Variants in TLN2 observed in about 807,000 individuals in gnomAD.
TLN2 encodes talin-2.
Under a neutral mutation model 294.7 loss-of-function variants are expected in TLN2, and 118 were observed. That is an observed-to-expected ratio of 0.40 (90% CI 0.34 to 0.47). The LOEUF is 0.47. Among genes scored for constraint, TLN2 ranks in the 20% least tolerant of loss-of-function variants. The pLI, the probability that TLN2 is intolerant of heterozygous loss-of-function variation, is 0.84. For missense variants in TLN2, 3,083 were observed against 3,282.2 expected, an observed-to-expected ratio of 0.94 and a Z score of 1.48; for synonymous variants, 1,431 against 1,304.5, an observed-to-expected ratio of 1.10 and a Z score of -2.09.
intron 45 of TLN2, among the ~76,000 whole-genome samples, chr15:62,790,276 A>G (rs1366837572): frequency 6.6e-6 from 1 of 152,230 alleles, no homozygotes. Context: ...AGAGTATACT[A>G]ATAACCCATT....
chr15:62,446,241 G>A lies in TLN2; in HGVS notation c.-238+55556G>A, dbSNP rs532847445. On this transcript the variant is annotated intron_variant, in intron 1 of 58. Coordinates refer to ENST00000636159, the MANE Select transcript of TLN2 (RefSeq NM_015059.3). Reference sequence around the variant, plus strand: ...TCTGGATCTCCTGACCTCGTCATCCGCCCGTCTCCCCAAAGTGCTGGGATC... The same window carrying A: ...TCTGGATCTCCTGACCTCGTCATCCACCCGTCTCCCCAAAGTGCTGGGATC... 4.0e-5 allele frequency among the ~76,000 whole-genome samples: 6 copies of A among 151,562 alleles called. No individual in the cohort carries two copies. The East Asian group carries it at 1.2e-3, about 30-fold the overall frequency.
At chr15:62,673,140 T>A (rs1272935243) in intron 9 of TLN2, among the ~76,000 whole-genome samples, 1 of 149,926 alleles carries the variant, frequency 6.7e-6, no homozygotes, top group Non-Finnish European at 1.5e-5. Flanking sequence ...TAATTTTAAA[T>A]ACTAATATTT....
chr15:62,839,628 A>G (rs1410067791), intron 58 of TLN2, among the ~76,000 whole-genome samples: 2 of 152,188 alleles, frequency 1.3e-5, no homozygotes. Context: ...ATGTGTCTCC[A>G]TCTCGTAAAT....
intron 1 of TLN2, among the ~76,000 whole-genome samples, chr15:62,508,947 G>C (rs549401932): frequency 1.3e-5 from 2 of 152,268 alleles, no homozygotes; most frequent in Admixed American, 1.3e-4. Flanking sequence ...ACATTTATGT[G>C]GATGAATTTA....
intron 1 of TLN2, among the ~76,000 whole-genome samples, chr15:62,584,477 G>T (rs992912501): frequency 6.6e-6 from 1 of 152,202 alleles, no homozygotes; most frequent in Non-Finnish European, 1.5e-5. Flanking sequence ...GTCCTTGGGT[G>T]TTGACGCTGT....
At chr15:62,708,480 A>G in intron 20 of TLN2, 22 bp from the exon 21 acceptor site, 1 of 1,607,290 alleles carries the variant, frequency 6.2e-7, no homozygotes, top group South Asian at 1.1e-5. Context: ...AGTGCCCAAA[A>G]CCTGTTCCTG....
At chr15:62,429,357 G>A (rs2034890811) in intron 1 of TLN2, among the ~76,000 whole-genome samples, 1 of 152,126 alleles carries the variant, frequency 6.6e-6, no homozygotes, top group Non-Finnish European at 1.5e-5. Context: ...CCCTTTAGGT[G>A]CTTCGAAAAT....
At chr15:62,396,578 C>A (rs985254919) in intron 1 of TLN2, among the ~76,000 whole-genome samples, 1 of 152,170 alleles carries the variant, frequency 6.6e-6, no homozygotes, top group East Asian at 1.9e-4. Flanking sequence ...AAAACTGTTT[C>A]CCTCTGCCCC....
intron 1 of TLN2, among the ~76,000 whole-genome samples, chr15:62,482,093 A>G (rs185614607): frequency 6.6e-6 from 1 of 152,018 alleles, no homozygotes; most frequent in Non-Finnish European, 1.5e-5. Context: ...GCACCTGGCT[A>G]TTTCTTTATA....
chr15:62,408,462 C>A (rs1566948692), intron 1 of TLN2, among the ~76,000 whole-genome samples: 1 of 152,054 alleles, frequency 6.6e-6, no homozygotes, highest in African/African-American at 2.4e-5. Flanking sequence ...AGCAAGCAGC[C>A]CAATATTAAT....
chr15:62,528,163 G>A (rs2040840507), intron 1 of TLN2, among the ~76,000 whole-genome samples: 1 of 152,130 alleles, frequency 6.6e-6, no homozygotes, highest in South Asian at 2.1e-4. Flanking sequence ...GAAAGCTTAT[G>A]AGGTTACTGA....
At chr15:62,638,540 G>A in intron 3 of TLN2, 3 of 456,064 alleles carry the variant, frequency 6.6e-6, no homozygotes, top group Non-Finnish European at 1.3e-5. Flanking sequence ...CTGTGGCAGT[G>A]TGAGAAGGTC....
At chr15:62,508,100 A>G (rs1050083713) in intron 1 of TLN2, among the ~76,000 whole-genome samples, 3 of 152,138 alleles carry the variant, frequency 2.0e-5, no homozygotes, top group Admixed American at 6.5e-5. Context: ...TAATTGATAT[A>G]TTTGGTAGAG....
chr15:62,809,004 C>T (rs2066488531), intron 51 of TLN2, among the ~76,000 whole-genome samples: 1 of 152,100 alleles, frequency 6.6e-6, no homozygotes, highest in Non-Finnish European at 1.5e-5. Context: ...ACCTTTTATC[C>T]CAATGTGTGA....
intron 53 of TLN2, 39 bp downstream of exon 53, chr15:62,819,660 C>G (rs1175280955): frequency 7.0e-6 from 11 of 1,568,696 alleles, no homozygotes; most frequent in East Asian, 2.2e-5. Context: ...GGGCAACCCT[C>G]CCAGGCAGTG....
At chr15:62,665,672 C>A (rs906590352) in intron 9 of TLN2, among the ~76,000 whole-genome samples, 4 of 135,658 alleles carry the variant, frequency 2.9e-5, no homozygotes, top group African/African-American at 1.0e-4. Context: ...AGAAAGAATT[C>A]ACAGTGGACT....
chr15:62,418,587 T>G (rs1178797704), intron 1 of TLN2, among the ~76,000 whole-genome samples: 1 of 152,200 alleles, frequency 6.6e-6, no homozygotes. Context: ...AAACAGGCTT[T>G]GTGTGAGCAA....
intron 1 of TLN2, among the ~76,000 whole-genome samples, chr15:62,416,199 T>C (rs2034072809): frequency 6.6e-6 from 1 of 152,194 alleles, no homozygotes; most frequent in Non-Finnish European, 1.5e-5. Flanking sequence ...CTTGGGAAGC[T>C]GAGGCAGGAA....
intron 21 of TLN2, among the ~76,000 whole-genome samples, chr15:62,710,243 T>G (rs2059338126): frequency 1.3e-5 from 2 of 152,242 alleles, no homozygotes; most frequent in Non-Finnish European, 2.9e-5. Flanking sequence ...TTCTTATTAA[T>G]GGAGTTGCTG....
Sources: gnomAD v4.1 joint callset for allele counts (sites outside exome capture counted in the v4.1 genomes callset) on GRCh38, gnomAD v4.1.1 for gene constraint, MANE v1.5 for transcripts, NCBI Gene and HGNC (gene_info 2026-07-23, HGNC 2026-07-21) for gene names.